The following ATP2C2 variants were observed in gnomAD, a reference collection of about 807,000 sequenced individuals.
ATP2C2 encodes calcium-transporting ATPase type 2C member 2.
Under a neutral mutation model 110.8 loss-of-function variants are expected in ATP2C2, and 171 were observed. The ratio of observed to expected loss-of-function variants is 1.54; its 90% CI spans 1.36 to 1.75. The LOEUF (loss-of-function observed/expected upper bound fraction) is 1.75, where lower values mean the gene tolerates loss of function less well. Among genes scored for constraint, ATP2C2 ranks in the 40% most tolerant of loss-of-function variants. ATP2C2 has a pLI of 0.00. For missense variants in ATP2C2, 1,963 were observed against 1,235.0 expected, an observed-to-expected ratio of 1.59 and a Z score of -8.84; for synonymous variants, 804 against 508.4, an observed-to-expected ratio of 1.58 and a Z score of -7.82.
chr16:84,460,283 C>G (rs573681238), intron 23 of ATP2C2: 8 of 320,686 alleles, frequency 2.5e-5, no homozygotes, highest in Admixed American at 9.0e-5. Flanking sequence ...AGGCTGGTCT[C>G]TCTCAGCTGA....
At chr16:84,451,610 G>C (rs1252950859) in intron 17 of ATP2C2, among the ~76,000 whole-genome samples, 1 of 152,148 alleles carries the variant, frequency 6.6e-6, no homozygotes, top group Non-Finnish European at 1.5e-5. Context: ...GGCTGAGGTG[G>C]GCAGATCACC....
chr16:84,385,382 A>G (rs1039558294), intron 1 of ATP2C2, among the ~76,000 whole-genome samples: 2 of 152,198 alleles, frequency 1.3e-5, no homozygotes, highest in Admixed American at 1.3e-4. Flanking sequence ...ACCTCCCACC[A>G]GGCCCACCTC....
intron 18 of ATP2C2, among the ~76,000 whole-genome samples, 165 bp from the exon 19 acceptor site, chr16:84,452,973 G>T (rs141729869): frequency 6.0e-4 from 91 of 152,270 alleles, no homozygotes; most frequent in African/African-American, 1.7e-3. Context: ...TTTGGTGTAA[G>T]TTAATCCTGT....
chr16:84,398,619 G>A lies in ATP2C2; in HGVS notation c.210+10G>A, dbSNP rs764774607. ...GGCCAGAGCGTTTTGTGTAAGAATT[G>A]AATTTGCATCTGGAGCTAATTGTGA... On this transcript the variant is annotated intron_variant, in intron 2 of 26. Coordinates refer to ENST00000262429, the MANE Select transcript of ATP2C2 (RefSeq NM_014861.4). 15 of 1,592,282 alleles carry A rather than the reference G, an allele frequency of 9.4e-6. No homozygotes were observed. In the African/African-American group the frequency reaches 1.8e-4, roughly 19 times the overall value.
At chr16:84,394,833 A>G (rs905148719) in intron 1 of ATP2C2, among the ~76,000 whole-genome samples, 2 of 152,144 alleles carry the variant, frequency 1.3e-5, no homozygotes, top group Non-Finnish European at 2.9e-5. Context: ...TTTTGCAAGA[A>G]CATCGCTCAT....
chr16:84,373,617 T>C (rs796754066), intron 1 of ATP2C2, among the ~76,000 whole-genome samples: 4 of 152,304 alleles, frequency 2.6e-5, no homozygotes, highest in African/African-American at 9.6e-5. Context: ...CTAGGTCCAG[T>C]CTACACTCAA....
At chr16:84,401,328 A>G (rs1363241056) in intron 2 of ATP2C2, among the ~76,000 whole-genome samples, 1 of 150,198 alleles carries the variant, frequency 6.7e-6, no homozygotes, top group South Asian at 2.1e-4. Flanking sequence ...GGTTCAAGCA[A>G]TTCTCCTGCC....
At chr16:84,433,307 T>A (rs1908443356) in intron 11 of ATP2C2, among the ~76,000 whole-genome samples, 1 of 151,880 alleles carries the variant, frequency 6.6e-6, no homozygotes, top group Admixed American at 6.6e-5. Flanking sequence ...TGCTTGAGCC[T>A]GGGAAGTCAA....
chr16:84,381,132 G>A (rs968625715), intron 1 of ATP2C2, among the ~76,000 whole-genome samples: 3 of 152,214 alleles, frequency 2.0e-5, no homozygotes, highest in African/African-American at 7.2e-5. Context: ...ATTATCATTA[G>A]TTATTATAGG....
At chr16:84,460,515 G>A (rs8052834) in intron 23 of ATP2C2, 139 bp from the exon 24 acceptor site, 222 of 1,206,882 alleles carry the variant, frequency 1.8e-4, no homozygotes, top group Non-Finnish European at 2.3e-4. Flanking sequence ...GGGCAGGTGC[G>A]ATGCCTGGGG....
At chr16:84,381,448 G>A (rs911336195) in intron 1 of ATP2C2, among the ~76,000 whole-genome samples, 11 of 151,994 alleles carry the variant, frequency 7.2e-5, no homozygotes, top group Admixed American at 2.6e-4. Context: ...GTGGTGACAT[G>A]AGCCTGTAAT....
intron 1 of ATP2C2, among the ~76,000 whole-genome samples, chr16:84,384,970 A>G (rs1904300947): frequency 2.0e-5 from 3 of 152,144 alleles, no homozygotes; most frequent in Admixed American, 2.0e-4. Flanking sequence ...TATAGTTTGA[A>G]CCCAGGAGGC....
In ATP2C2 at chr16:84,464,011, A is replaced by C. The variant is rs1911669593; in HGVS notation, c.*279A>C. 1 of 326,578 alleles carries C rather than the reference A, an allele frequency of 3.1e-6. No individual in the cohort carries two copies. The highest frequency in any genetic ancestry group is 5.1e-5 in the South Asian group (1 of 19,768). The allele number at this position is 326,578 out of a possible 1,614,324, so 20.2% of individuals were successfully genotyped here. ...ACAATGATTTTTATTAACCATGTCT[A>C]ACTACGTATCTGTGCCACAGCTTGC... On this transcript the variant is annotated 3_prime_UTR_variant, in exon 27 of 27. Coordinates refer to ENST00000262429, the MANE Select transcript of ATP2C2 (RefSeq NM_014861.4).
intron 11 of ATP2C2, among the ~76,000 whole-genome samples, chr16:84,432,364 C>G (rs1038242252): frequency 6.6e-6 from 1 of 152,108 alleles, no homozygotes; most frequent in Non-Finnish European, 1.5e-5. Context: ...GTTTGCTGCA[C>G]CTACCAACCC....
At chr16:84,454,083 C>A (rs935660897) in intron 20 of ATP2C2, among the ~76,000 whole-genome samples, 1 of 152,152 alleles carries the variant, frequency 6.6e-6, no homozygotes, top group African/African-American at 2.4e-5. Flanking sequence ...TCAGGTGATC[C>A]GCCTATCTTC....
chr16:84,371,637 C>T lies in ATP2C2; in HGVS notation c.99+2923C>T, dbSNP rs36018783. On this transcript the variant is annotated intron_variant, in intron 1 of 26. Transcript: ENST00000262429. ...AGAAATTCCTGCTTCCCAGGTGACT[C>T]AGCGCCAACTCCGGGGGAAGCTGTC... 3.3e-3 allele frequency among the ~76,000 whole-genome samples: 496 copies of T among 152,352 alleles called. 2 individuals carry two copies. Among genetic ancestry groups the T allele is most frequent in the Non-Finnish European group, 5.2e-3 (354 of 68,030 alleles).
At chr16:84,374,825 A>T (rs184075836) in intron 1 of ATP2C2, among the ~76,000 whole-genome samples, 6 of 152,332 alleles carry the variant, frequency 3.9e-5, no homozygotes, top group Non-Finnish European at 7.3e-5. Flanking sequence ...GGGACAAAGA[A>T]ATACAGTTAT....
intron 2 of ATP2C2, chr16:84,404,771 G>C (rs12597066): frequency 0.38 from 133,170 of 349,470 alleles, 28,052 homozygotes; most frequent in Non-Finnish European, 0.47. Context: ...TCGCCACACA[G>C]TTTCCATAAC....
At chr16:84,458,780 C>T (rs151321575) in intron 21 of ATP2C2, among the ~76,000 whole-genome samples, 1 of 152,190 alleles carries the variant, frequency 6.6e-6, no homozygotes, top group Non-Finnish European at 1.5e-5. Context: ...TTTGGTAAAT[C>T]GCGGAGATGC....
Sources: gnomAD v4.1 joint callset for allele counts (sites outside exome capture counted in the v4.1 genomes callset) on GRCh38, gnomAD v4.1.1 for gene constraint, MANE v1.5 for transcripts, NCBI Gene and HGNC (gene_info 2026-07-23, HGNC 2026-07-21) for gene names.